Variants in MCTP2 observed in about 807,000 individuals in gnomAD.
MCTP2 encodes the protein multiple C2 and transmembrane domain-containing protein 2.
Under a neutral mutation model 111.6 loss-of-function variants are expected in MCTP2, and 132 were observed. The observed-to-expected ratio is 1.18, with a 90% CI of 1.03 to 1.37. The LOEUF is 1.37. Ranked by LOEUF, MCTP2 falls within the 40% of genes most tolerant of loss-of-function variation. The pLI, the probability that MCTP2 is intolerant of heterozygous loss-of-function variation, is 0.00. For missense variants in MCTP2, 1,183 were observed against 1,067.9 expected, an observed-to-expected ratio of 1.11 and a Z score of -1.50; for synonymous variants, 395 against 387.7, an observed-to-expected ratio of 1.02 and a Z score of -0.22.
chr15:94,426,125 AGAGAGAGAGAGAGATT>A (rs1404436916), intron 17 of MCTP2, among the ~76,000 whole-genome samples: 1 of 122,492 alleles, frequency 8.2e-6, no homozygotes, highest in African/African-American at 3.4e-5. Context: ...GATGCCAGAG[AGAGAGAGAGAGAGATT>A]GAGAGAGAGA....
At position 94,479,280 on chromosome 15, in the gene MCTP2, C is replaced by CT; in HGVS notation, c.*247dup. 1 of 519,196 alleles carries CT rather than the reference C, an allele frequency of 1.9e-6. No homozygotes were observed. Among genetic ancestry groups the CT allele is most frequent in the Admixed American group, 3.1e-5 (1 of 32,156 alleles). 32.2% of individuals were successfully genotyped at this position (519,196 alleles called of 1,614,324 possible). On this transcript the variant is annotated 3_prime_UTR_variant, in exon 23 of 23. Transcript: ENST00000357742. Reference sequence around the variant, plus strand: ...GCAACAACCCCAAGACTGTGAAAGACTAACATCCATTCTGAAATAGGAGAT... The same window carrying CT: ...GCAACAACCCCAAGACTGTGAAAGACTTAACATCCATTCTGAAATAGGAGAT...
chr15:94,372,603 C>A (rs1304424293), intron 12 of MCTP2, among the ~76,000 whole-genome samples: 2 of 152,092 alleles, frequency 1.3e-5, no homozygotes, highest in Non-Finnish European at 2.9e-5. Flanking sequence ...ATAAAACAGA[C>A]CTCAACAGTG....
chr15:94,301,255 G>A (rs756878299), intron 2 of MCTP2, among the ~76,000 whole-genome samples: 1 of 152,080 alleles, frequency 6.6e-6, no homozygotes, highest in Non-Finnish European at 1.5e-5. Flanking sequence ...TGCAGAGGAC[G>A]GAGGGACGGG....
chr15:94,298,182 GT>G lies in MCTP2; in HGVS notation c.-65-12del, dbSNP rs1192859361. The G allele has an allele frequency of 6.5e-6, 6 of 919,714 alleles. No homozygotes were observed. Among genetic ancestry groups the G allele is most frequent in the African/African-American group, 1.7e-5 (1 of 57,672 alleles). The allele number at this position is 919,714 out of a possible 1,614,324, so 57.0% of individuals were successfully genotyped here. ...TTTTTTTGTTTGTTTGTTTTTTGTT[GT>G]TTTTTTCTGTTTTATAGGAGTCATT... On this transcript the variant is annotated intron_variant, in intron 1 of 22. Coordinates refer to ENST00000357742, the MANE Select transcript of MCTP2 (RefSeq NM_001385001.1).
At position 94,251,512 on chromosome 15, in the gene MCTP2, C is replaced by T. The variant is rs890528965; in HGVS notation, c.-66+19848C>T. ...TAGCTAGGATTACAGGTGCCCGCCA[C>T]CACGCCTGGCTAATTTTTGTATTTT... On this transcript the variant is annotated intron_variant, in intron 1 of 22. Transcript: ENST00000357742. 1.4e-4 allele frequency among the ~76,000 whole-genome samples: 21 copies of T among 151,898 alleles called. 1 individual carries two copies. The highest frequency in any genetic ancestry group is 4.8e-4 in the African/African-American group (20 of 41,358).
chr15:94,315,607 G>T lies in MCTP2; in HGVS notation c.607G>T (p.Gly203Cys). The stretch of plus-strand genomic sequence containing the variant: ...CCTCCTCACCATACACCTGAAGGAA[G>T]GCCGGAACCTGGTTGTCCGAGATCG... ...AYLLTIHLKE[G>C]RNLVVRDRCG... Residue 203 changes from glycine (G) to cysteine (C), a missense_variant, in exon 4 of 23, where the codon GGC becomes TGC. Physicochemically the swap from Gly to Cys is radical, Grantham distance 159. Coordinates refer to ENST00000357742, the MANE Select transcript of MCTP2 (RefSeq NM_001385001.1). 6.2e-7 allele frequency: 1 copy of T among 1,614,122 alleles called. No homozygotes were observed. The highest frequency in any genetic ancestry group is 8.5e-7 in the Non-Finnish European group (1 of 1,179,996).
intron 1 of MCTP2, among the ~76,000 whole-genome samples, chr15:94,269,835 T>C (rs941477185): frequency 1.3e-5 from 2 of 152,150 alleles, no homozygotes; most frequent in African/African-American, 4.8e-5. Flanking sequence ...GGCTTGGTAA[T>C]TGTGTTCCAA....
intron 12 of MCTP2, among the ~76,000 whole-genome samples, chr15:94,372,121 T>A (rs940852161): frequency 3.3e-5 from 5 of 152,214 alleles, no homozygotes; most frequent in Non-Finnish European, 7.3e-5. Flanking sequence ...AGTTTTGGAG[T>A]GCATGAAGGT....
At chr15:94,375,201 A>G (rs745433665) in intron 12 of MCTP2, among the ~76,000 whole-genome samples, 2 of 152,162 alleles carry the variant, frequency 1.3e-5, no homozygotes, top group Non-Finnish European at 2.9e-5. Flanking sequence ...TTAAATAACC[A>G]GATCTCTTGA....
intron 10 of MCTP2, among the ~76,000 whole-genome samples, chr15:94,365,779 A>C (rs867024797): frequency 1.3e-5 from 2 of 152,192 alleles, no homozygotes; most frequent in African/African-American, 4.8e-5. Flanking sequence ...CCACCATCCC[A>C]AAGGCAGATG....
chr15:94,397,489 A>G (rs555549240), intron 14 of MCTP2, among the ~76,000 whole-genome samples: 14 of 152,314 alleles, frequency 9.2e-5, no homozygotes, highest in African/African-American at 3.1e-4. Flanking sequence ...AACATCCACA[A>G]TTTATTAAGT....
intron 1 of MCTP2, among the ~76,000 whole-genome samples, chr15:94,233,966 A>T (rs901750312): frequency 6.6e-6 from 1 of 152,244 alleles, no homozygotes; most frequent in African/African-American, 2.4e-5. Flanking sequence ...ACTGTTGAGA[A>T]AAGGCTTTGC....
intron 17 of MCTP2, among the ~76,000 whole-genome samples, chr15:94,438,253 G>A (rs917950276): frequency 4.6e-5 from 7 of 152,000 alleles, no homozygotes; most frequent in African/African-American, 1.4e-4. Flanking sequence ...ACCGTGAAAA[G>A]AACTATAAAA....
chr15:94,402,909 G>A, intron 17 of MCTP2: 1 of 1,085,444 alleles, frequency 9.2e-7, no homozygotes, highest in Non-Finnish European at 1.1e-6. Flanking sequence ...TGAATGTTAT[G>A]TGGTTCTGCT....
chr15:94,239,089 A>G (rs1168358889), intron 1 of MCTP2, among the ~76,000 whole-genome samples: 1 of 152,072 alleles, frequency 6.6e-6, no homozygotes, highest in East Asian at 1.9e-4. Context: ...AAAAACAAAA[A>G]TGATTGGGTA....
chr15:94,379,144 G>A (rs1237969941), intron 12 of MCTP2, among the ~76,000 whole-genome samples: 11 of 151,498 alleles, frequency 7.3e-5, no homozygotes, highest in South Asian at 2.1e-4. Flanking sequence ...CCTATTCCCC[G>A]TGCAAAGTAG....
At chr15:94,288,010 T>C (rs1045748363) in intron 1 of MCTP2, among the ~76,000 whole-genome samples, 1 of 152,130 alleles carries the variant, frequency 6.6e-6, no homozygotes, top group Admixed American at 6.5e-5. Context: ...AGTCTTGTGG[T>C]GGAGGCAGTG....
intron 1 of MCTP2, among the ~76,000 whole-genome samples, chr15:94,260,174 C>G (rs1430402005): frequency 6.6e-6 from 1 of 152,150 alleles, no homozygotes; most frequent in East Asian, 1.9e-4. Context: ...GGATTCTGGC[C>G]ACGGAAACTT....
intron 19 of MCTP2, among the ~76,000 whole-genome samples, chr15:94,445,123 AAG>A (rs1046167407): frequency 6.6e-6 from 1 of 152,184 alleles, no homozygotes; most frequent in African/African-American, 2.4e-5. Context: ...TGACTGAAGA[AAG>A]AGTTGGAACA....
Sources: gnomAD v4.1 joint callset for allele counts (sites outside exome capture counted in the v4.1 genomes callset) on GRCh38, gnomAD v4.1.1 for gene constraint, MANE v1.5 for transcripts, NCBI Gene and HGNC (gene_info 2026-07-23, HGNC 2026-07-21) for gene names.